ZEB2: variants seen among roughly 807,000 people sequenced by gnomAD.
ZEB2 encodes the protein zinc finger E-box binding homeobox 2.
In ZEB2, 6 loss-of-function variants were observed where a neutral mutation model predicts 99.9. That is an observed-to-expected ratio of 0.06 (90% CI 0.03 to 0.12). The LOEUF (loss-of-function observed/expected upper bound fraction) is 0.12, where lower values mean the gene tolerates loss of function less well. Among genes scored for constraint, ZEB2 ranks in the 10% least tolerant of loss-of-function variants. The probability of loss-of-function intolerance (pLI) is 1.00; values close to 1 mark genes in which losing one functional copy is unlikely to be tolerated. For missense variants in ZEB2, 969 were observed against 1,502.8 expected (o/e 0.64, Z 5.87); for synonymous variants, 517 against 542.5 (o/e 0.95, Z 0.65).
chr2:144,423,260 G>A (rs1384977747), intron 4 of ZEB2, among the ~76,000 whole-genome samples: 1 of 152,100 alleles, frequency 6.6e-6, no homozygotes, highest in African/African-American at 2.4e-5. Context: ...GTGCTTATAA[G>A]GGTAATCAAA....
intron 4 of ZEB2, among the ~76,000 whole-genome samples, chr2:144,408,952 G>A (rs932842544): frequency 2.7e-5 from 4 of 149,604 alleles, no homozygotes; most frequent in South Asian, 2.1e-4. Flanking sequence ...TTTTTTTTCT[G>A]CCAAGTGACT....
At chr2:144,411,100 T>TATAG in intron 4 of ZEB2, among the ~76,000 whole-genome samples, 1 of 85,984 alleles carries the variant, frequency 1.2e-5, no homozygotes, top group Non-Finnish European at 2.4e-5. Flanking sequence ...TATATATATA[T>TATAG]GTATAATAGG....
At chr2:144,488,439 G>A (rs981320721) in intron 2 of ZEB2, among the ~76,000 whole-genome samples, 3 of 152,088 alleles carry the variant, frequency 2.0e-5, no homozygotes, top group Admixed American at 6.5e-5. Context: ...TAATACTCAA[G>A]GGGACCTTTA....
intron 2 of ZEB2, among the ~76,000 whole-genome samples, chr2:144,437,544 T>C (rs1703854576): frequency 6.6e-6 from 1 of 152,196 alleles, no homozygotes; most frequent in African/African-American, 2.4e-5. Flanking sequence ...ATATGCTCAC[T>C]ATCATGCCTG....
At chr2:144,415,876 G>A (rs912618320) in intron 4 of ZEB2, among the ~76,000 whole-genome samples, 3 of 152,278 alleles carry the variant, frequency 2.0e-5, no homozygotes, top group East Asian at 1.9e-4. Flanking sequence ...CATTTTCACC[G>A]TCATGTTTTA....
intron 3 of ZEB2, chr2:144,427,105 C>T (rs1703700126): frequency 6.6e-6 from 1 of 152,128 alleles, no homozygotes; most frequent in African/African-American, 2.4e-5. Flanking sequence ...TTGCGTCTTC[C>T]AGTCACCCCT....
intron 2 of ZEB2, chr2:144,512,065 C>T: frequency 7.8e-7 from 1 of 1,287,212 alleles, no homozygotes; most frequent in Non-Finnish European, 1.0e-6. Flanking sequence ...CAATTGCCCC[C>T]TTGTGGGAAT....
At chr2:144,459,852 T>C (rs1282891456) in intron 2 of ZEB2, among the ~76,000 whole-genome samples, 1 of 152,208 alleles carries the variant, frequency 6.6e-6, no homozygotes, top group East Asian at 1.9e-4. Flanking sequence ...GTATGTATTC[T>C]TTAAAATGAG....
At chr2:144,484,423 T>G (rs761099864) in intron 2 of ZEB2, among the ~76,000 whole-genome samples, 1 of 152,024 alleles carries the variant, frequency 6.6e-6, no homozygotes, top group Non-Finnish European at 1.5e-5. Flanking sequence ...GGAGCCCAAA[T>G]TTCCTGAATC....
chr2:144,512,727 A>G (rs1236711191), intron 2 of ZEB2: 13 of 1,287,232 alleles, frequency 1.0e-5, no homozygotes, highest in Non-Finnish European at 1.1e-5. Flanking sequence ...TTTCTACCCC[A>G]ATTGGCTTAG....
intron 9 of ZEB2, 68 bp downstream of exon 9, chr2:144,396,344 C>T: frequency 1.3e-6 from 2 of 1,561,294 alleles, no homozygotes; most frequent in South Asian, 1.1e-5. Flanking sequence ...CACAAGTGTG[C>T]TCATTAAATA....
chr2:144,478,500 C>T (rs1704462396), intron 2 of ZEB2, among the ~76,000 whole-genome samples: 1 of 152,200 alleles, frequency 6.6e-6, no homozygotes, highest in Non-Finnish European at 1.5e-5. Context: ...AGTTGCACTT[C>T]TAAGCCTAAC....
At chr2:144,506,274 C>A (rs956265099) in intron 2 of ZEB2, among the ~76,000 whole-genome samples, 1 of 152,218 alleles carries the variant, frequency 6.6e-6, no homozygotes, top group African/African-American at 2.4e-5. Context: ...GAGTTTGGAT[C>A]CTAGGGTGCA....
At chr2:144,469,642 A>C (rs1430143696) in intron 2 of ZEB2, among the ~76,000 whole-genome samples, 1 of 152,140 alleles carries the variant, frequency 6.6e-6, no homozygotes, top group Non-Finnish European at 1.5e-5. Flanking sequence ...GCTGTTATTT[A>C]TATGCTGTAC....
At chr2:144,407,057 T>C (rs993088448) in intron 4 of ZEB2, among the ~76,000 whole-genome samples, 1 of 152,174 alleles carries the variant, frequency 6.6e-6, no homozygotes, top group Non-Finnish European at 1.5e-5. Flanking sequence ...GTGACATTCA[T>C]CAAAGCAAAG....
intron 2 of ZEB2, among the ~76,000 whole-genome samples, chr2:144,485,924 C>T (rs1214225794): frequency 6.6e-6 from 1 of 152,192 alleles, no homozygotes; most frequent in Non-Finnish European, 1.5e-5. Context: ...TGGCCTCTCT[C>T]TTCCTTTTCT....
intron 2 of ZEB2, chr2:144,494,927 G>A (rs537627881): frequency 6.6e-6 from 1 of 151,946 alleles, no homozygotes; most frequent in African/African-American, 2.4e-5. Context: ...CTCAGAAAAA[G>A]AAAAGAAAGA....
chr2:144,517,168 T>G, intron 2 of ZEB2, 110 bp downstream of exon 2: 3 of 1,450,282 alleles, frequency 2.1e-6, no homozygotes, highest in Non-Finnish European at 2.9e-6. Context: ...CCTAGAGCCC[T>G]GGGCGCCGCC....
At chr2:144,513,266 G>C (rs970138495) in intron 2 of ZEB2, 15 of 1,288,794 alleles carry the variant, frequency 1.2e-5, no homozygotes, top group Non-Finnish European at 1.5e-5. Context: ...TTTAAACAGG[G>C]ATAACCATTT....
Sources: allele counts gnomAD v4.1 joint callset (sites outside exome capture counted in the v4.1 genomes callset), GRCh38; gene constraint gnomAD v4.1.1; transcripts MANE v1.5; gene names NCBI Gene and HGNC (gene_info 2026-07-23, HGNC 2026-07-21).